BCAT2: variants seen among roughly 807,000 people sequenced by gnomAD.
The protein encoded by BCAT2 is branched-chain-amino-acid aminotransferase, mitochondrial.
BCAT2 carries 44 observed loss-of-function variants against 52.9 expected under a neutral mutation model. The observed-to-expected ratio is 0.83, with a 90% CI of 0.65 to 1.07. BCAT2 has a LOEUF of 1.07. Ranked by LOEUF, BCAT2 falls within the 50% of genes least tolerant of loss-of-function variation. The pLI, the probability that BCAT2 is intolerant of heterozygous loss-of-function variation, is 0.00. For missense variants in BCAT2, 478 were observed against 521.8 expected (o/e 0.92, Z 0.82); for synonymous variants, 215 against 217.1 (o/e 0.99, Z 0.08).
intron 10 of BCAT2, 77 bp from the exon 11 acceptor site, chr19:48,795,541 G>A: frequency 6.5e-7 from 1 of 1,538,016 alleles, no homozygotes; most frequent in East Asian, 2.4e-5. Flanking sequence ...GTTCCAGGCC[G>A]AGTGCCTACG....
At chr19:48,800,967 CAG>C (rs1259725044) in intron 3 of BCAT2, among the ~76,000 whole-genome samples, 1 of 124,226 alleles carries the variant, frequency 8.0e-6, no homozygotes, top group Non-Finnish European at 1.7e-5. Context: ...GCGCTTGGCA[CAG>C]AGTGTTTTTT....
Position 48,807,016 on chromosome 19 carries a change from G to A in BCAT2, c.83C>T (p.Ala28Val). 9 of 1,613,956 alleles carry A rather than the reference G, an allele frequency of 5.6e-6. No homozygotes were observed. The highest frequency in any genetic ancestry group is 7.6e-6 in the Non-Finnish European group (9 of 1,179,908). ...TCCTTTCACCTTGAAACTGGAGGAGGCATATCTTCTGGGACCACACAGAAG... is the reference window on the plus strand; with the variant it reads ...TCCTTTCACCTTGAAACTGGAGGAGACATATCTTCTGGGACCACACAGAAG... ...PWLLCGPRRYASSSFKAADLQ... is the reference protein window; with the variant it reads ...PWLLCGPRRYVSSSFKAADLQ... Residue 28 changes from alanine to valine, a missense_variant, in exon 2 of 11, where the codon GCC (alanine) becomes GTC (valine). Transcript: ENST00000316273. The surrounding 1 kb of genome is among the most constrained non-coding windows in gnomAD (Gnocchi z 4.6).
Position 48,795,076 on chromosome 19 carries a change from C to T in BCAT2, c.*350G>A, listed in dbSNP as rs903719087. ...AAGCCCGACAATGTGTGTTCTTTGG[C>T]ATTTTATTTCAAAATTGCAGCAAAG... On this transcript the variant is annotated 3_prime_UTR_variant, in exon 11 of 11. Coordinates refer to ENST00000316273, the MANE Select transcript of BCAT2 (RefSeq NM_001190.4). 2 of 361,614 alleles carry T rather than the reference C, an allele frequency of 5.5e-6. No homozygotes were observed. The highest frequency in any genetic ancestry group is 4.2e-5 in the African/African-American group (2 of 48,006). 22.4% of individuals were successfully genotyped at this position (361,614 alleles called of 1,614,324 possible).
At chr19:48,805,013 GA>G (rs1213420399) in intron 3 of BCAT2, among the ~76,000 whole-genome samples, 4 of 151,844 alleles carry the variant, frequency 2.6e-5, no homozygotes, top group Admixed American at 1.3e-4. Flanking sequence ...AGGAAGAAAG[GA>G]AAAAACAGAG....
At position 48,809,066 on chromosome 19, in the gene BCAT2, CAAAAAAAAAAAAAAAAAAA is replaced by C. The variant is rs3057799; in HGVS notation, c.24+1899_24+1917del. 2.4e-4 allele frequency among the ~76,000 whole-genome samples: 7 copies of C among 28,966 alleles called. No homozygotes were observed. The East Asian group carries it at 0.013, about 53-fold the overall frequency. 19.0% of individuals were successfully genotyped at this position (28,966 alleles called of 152,430 possible). On this transcript the variant is annotated intron_variant, in intron 1 of 10. Transcript: ENST00000316273. The stretch of plus-strand genomic sequence containing the variant: ...CCAGCATGAGTGATAGAGTGTCTCT[CAAAAAAAAAAAAAAAAAAA>C]AAAAAAAAAAAGACCAGCATGGTGG...
chr19:48,795,565 G>T, intron 10 of BCAT2, 101 bp from the exon 11 acceptor site: 1 of 1,380,070 alleles, frequency 7.2e-7, no homozygotes, highest in Non-Finnish European at 1.0e-6. Flanking sequence ...CTGTGCCCCA[G>T]CGGCTCACGG....
intron 3 of BCAT2, among the ~76,000 whole-genome samples, chr19:48,803,358 A>T (rs112545305): frequency 0.025 from 3,836 of 151,688 alleles, 145 homozygotes; most frequent in African/African-American, 0.087. Flanking sequence ...ATCCCTAAAA[A>T]AAAATAAAAT....
chr19:48,806,383 A>G (rs1360227507), intron 3 of BCAT2, 134 bp downstream of exon 3: 83 of 1,196,736 alleles, frequency 6.9e-5, no homozygotes, highest in Non-Finnish European at 9.7e-5. Flanking sequence ...GGAAGGCCTC[A>G]GAAAACAAAT....
At position 48,795,668 on chromosome 19, in the gene BCAT2, T is replaced by C. The variant is rs146499426; in HGVS notation, c.1141-204A>G. On this transcript the variant is annotated intron_variant, in intron 10 of 10. Coordinates refer to ENST00000316273, the MANE Select transcript of BCAT2 (RefSeq NM_001190.4). ...CAGAGGCTTCCGGGAGATGTAGTTCTGAAGACAGGAATTATGGCCAGGCCT... is the reference window on the plus strand; with the variant it reads ...CAGAGGCTTCCGGGAGATGTAGTTCCGAAGACAGGAATTATGGCCAGGCCT... 5.3e-3 allele frequency among the ~76,000 whole-genome samples: 808 copies of C among 152,228 alleles called. 5 individuals are homozygous for C. The highest frequency in any genetic ancestry group is 0.018 in the African/African-American group (743 of 41,542).
intron 10 of BCAT2, 145 bp from the exon 11 acceptor site, chr19:48,795,609 A>G (rs949236913): frequency 1.8e-5 from 16 of 883,768 alleles, no homozygotes; most frequent in East Asian, 1.3e-4. Context: ...GGCCCCAACA[A>G]TGATGGGAAC....
Position 48,808,309 on chromosome 19 carries a change from G to A in BCAT2, c.25-1235C>T, listed in dbSNP as rs937878279. On this transcript the variant is annotated intron_variant, in intron 1 of 10. Coordinates refer to ENST00000316273, the MANE Select transcript of BCAT2 (RefSeq NM_001190.4). ...TGCGACAGCCAGCCTGTGGGCAGGA[G>A]AGCTGCCCTCAGAGCCAAGATGAAA... 5.9e-5 allele frequency: 56 copies of A among 950,946 alleles called. 1 individual carries two copies. The African/African-American group carries it at 7.8e-4, about 13-fold the overall frequency. The allele number at this position is 950,946 out of a possible 1,614,324, so 58.9% of individuals were successfully genotyped here.
chr19:48,810,738 T>C, intron 1 of BCAT2: 6 of 171,958 alleles, frequency 3.5e-5, no homozygotes, highest in Non-Finnish European at 4.3e-5. Flanking sequence ...ATGTTTCCCT[T>C]TTTTTTTTTT....
intron 3 of BCAT2, among the ~76,000 whole-genome samples, chr19:48,804,506 G>A (rs2034721702): frequency 6.6e-6 from 1 of 152,096 alleles, no homozygotes; most frequent in African/African-American, 2.4e-5. Flanking sequence ...TTGTATCATT[G>A]CACTCCAACC....
rs751697837 is a variant in BCAT2 at position 48,799,955 on chromosome 19, C to T, written c.531+26G>A. On this transcript the variant is annotated intron_variant, in intron 5 of 10. Transcript: ENST00000316273. This position sits in a 1 kb window ranked among gnomAD's most constrained non-coding sequence, Gnocchi z 5.5. ...GCAGAATCCAACCCCCGCAGCCCAG[C>T]TTCCCAGCCCTGGAGTTGGGCCCAC... The T allele has an allele frequency of 1.2e-6, 2 of 1,611,168 alleles. No individual in the cohort carries two copies. The highest frequency in any genetic ancestry group is 2.2e-5 in the East Asian group (1 of 44,792).
At position 48,799,828 on chromosome 19, in the gene BCAT2, C is replaced by G; in HGVS notation, c.542G>C (p.Gly181Ala). The change falls in exon 6 of 11, where the codon GGT (glycine) becomes GCT (alanine). Residue 181 changes from glycine to alanine, a missense_variant. Gly to Ala is a moderately conservative substitution (Grantham distance 60). Transcript: ENST00000316273. The surrounding 1 kb of genome is among the most constrained non-coding windows in gnomAD (Gnocchi z 5.5). ...GAGCGCGCGCGTGGGCTGGCTGACACCCAGCGAGGGCTGCGACGGGCAAAG... is the reference window on the plus strand; with the variant it reads ...GAGCGCGCGCGTGGGCTGGCTGACAGCCAGCGAGGGCTGCGACGGGCAAAG... ...PVLIGNEPSL[G>A]VSQPTRALLF... is the part of the protein sequence containing the mutation. 5 of 1,558,416 alleles carry G rather than the reference C, an allele frequency of 3.2e-6. No homozygotes were observed. The highest frequency in any genetic ancestry group is 4.3e-6 in the Non-Finnish European group (5 of 1,151,134).
chr19:48,804,156 C>CATAAATAAATAA (rs55857832), intron 3 of BCAT2, among the ~76,000 whole-genome samples: 11 of 151,140 alleles, frequency 7.3e-5, no homozygotes, highest in Non-Finnish European at 8.9e-5. Context: ...AACTCTATCT[C>CATAAATAAATAA]ATAAATAAAT....
At chr19:48,810,947 T>A in intron 1 of BCAT2, 37 bp downstream of exon 1, 2 of 1,603,790 alleles carry the variant, frequency 1.2e-6, no homozygotes, top group Non-Finnish European at 1.7e-6. Context: ...CCTCCCCCGG[T>A]TATTTCCCAG....
chr19:48,808,676 A>G (rs1171446729), intron 1 of BCAT2, among the ~76,000 whole-genome samples: 2 of 151,954 alleles, frequency 1.3e-5, no homozygotes, highest in Admixed American at 6.6e-5. Flanking sequence ...AATTGCTTAA[A>G]CCCAGGAGGC....
At chr19:48,796,773 C>T (rs2122648921) in intron 8 of BCAT2, 55 bp from the exon 9 acceptor site, 1 of 1,591,960 alleles carries the variant, frequency 6.3e-7, no homozygotes. Context: ...TGCTGCAGAC[C>T]TCCACCTCTC....
Sources: gnomAD v4.1 joint callset for allele counts (sites outside exome capture counted in the v4.1 genomes callset) on GRCh38, gnomAD v4.1.1 for gene constraint, Gnocchi (gnomAD v3.1) non-coding constraint, MANE v1.5 for transcripts, NCBI Gene and HGNC (gene_info 2026-07-23, HGNC 2026-07-21) for gene names.